The following ZNF135 variants were observed in gnomAD, a reference collection of about 807,000 sequenced individuals.
ZNF135 encodes the protein zinc finger protein 135, also known as zinc finger protein 135 (clone pHZ-17).
ZNF135 carries 11 observed loss-of-function variants against 12.3 expected under a neutral mutation model. That is an observed-to-expected ratio of 0.89 (90% confidence interval 0.56 to 1.48). The LOEUF (loss-of-function observed/expected upper bound fraction) is 1.48. Among genes scored for constraint, ZNF135 ranks in the 40% most tolerant of loss-of-function variants. The probability of loss-of-function intolerance (pLI) is 0.00; values close to 1 mark genes in which losing one functional copy is unlikely to be tolerated. For synonymous variants in ZNF135, 316 were observed against 312.0 expected (o/e 1.01, Z -0.14); for missense variants, 722 against 815.7 (o/e 0.89, Z 1.40).
rs1338202896 is a variant in ZNF135, at chr19:58,060,515, T to C, written c.33+480T>C. 2.1e-6 allele frequency: 2 copies of C among 936,914 alleles called. No individual in the cohort carries two copies. The highest frequency in any genetic ancestry group is 3.3e-5 in the South Asian group (1 of 29,886). 58.0% of individuals were successfully genotyped at this position (936,914 alleles called of 1,614,324 possible). ...GTGCCCCGGCTCTGCAGTCTGAAGT[T>C]GAAGGCCTTAGCATGCTCTGCGCTC... On this transcript the variant is annotated intron_variant, in intron 2 of 4. Transcript: ENST00000313434. This position sits in a 1 kb window ranked among gnomAD's most constrained non-coding sequence, Gnocchi z 4.9.
chr19:58,066,382 A>G (rs1395946129), intron 4 of ZNF135, among the ~76,000 whole-genome samples: 2 of 152,068 alleles, frequency 1.3e-5, no homozygotes, highest in Non-Finnish European at 2.9e-5. Flanking sequence ...TTCCAAGTCC[A>G]GTGCCTCTGT....
intron 2 of ZNF135, among the ~76,000 whole-genome samples, chr19:58,061,088 A>G (rs528733309): frequency 6.6e-6 from 1 of 151,878 alleles, no homozygotes; most frequent in South Asian, 2.1e-4. Flanking sequence ...AGATCATGCC[A>G]CTGCACTCTA....
In ZNF135 at chr19:58,059,927, C is replaced by T; in HGVS notation, c.-34-42C>T. The T allele has an allele frequency of 6.2e-7, 1 of 1,605,716 alleles. No homozygotes were observed. ...TTCCCCGGCTTGGGGACCTGAGCAC[C>T]GCCTCTGCCTGCCCCAGCTGCTCAC... On this transcript the variant is annotated intron_variant, in intron 1 of 4. Transcript: ENST00000313434. The surrounding 1 kb of genome is among the most constrained non-coding windows in gnomAD (Gnocchi z 6.5).
In ZNF135 at chr19:58,060,075, T is replaced by A; in HGVS notation, c.33+40T>A. On this transcript the variant is annotated intron_variant, in intron 2 of 4. Transcript: ENST00000313434. This position sits in a 1 kb window ranked among gnomAD's most constrained non-coding sequence, Gnocchi z 4.9. ...CTCCTTGCGCGTGTCCTCCACCTCGTGCCCGGCCTCCTCGCGCGCGGCCTT... is the reference window on the plus strand; with the variant it reads ...CTCCTTGCGCGTGTCCTCCACCTCGAGCCCGGCCTCCTCGCGCGCGGCCTT... The A allele has an allele frequency of 6.2e-7, 1 of 1,611,704 alleles. No homozygotes were observed.
At position 58,059,939 on chromosome 19, in the gene ZNF135, C is replaced by T. The variant is rs1339045410; in HGVS notation, c.-34-30C>T. ...GGGACCTGAGCACCGCCTCTGCCTGCCCCAGCTGCTCACCTCCCCTTTCCC... is the reference window on the plus strand; with the variant it reads ...GGGACCTGAGCACCGCCTCTGCCTGTCCCAGCTGCTCACCTCCCCTTTCCC... On this transcript the variant is annotated intron_variant, in intron 1 of 4. Coordinates refer to ENST00000313434, the MANE Select transcript of ZNF135 (RefSeq NM_001289401.2). This position sits in a 1 kb window ranked among gnomAD's most constrained non-coding sequence, Gnocchi z 6.5. The T allele has an allele frequency of 6.2e-7, 1 of 1,610,098 alleles. No homozygotes were observed. The highest frequency in any genetic ancestry group is 8.5e-7 in the Non-Finnish European group (1 of 1,178,818).
Position 58,068,221 on chromosome 19 carries a change from G to T in ZNF135, c.1737G>T (p.Gly579=). The stretch of plus-strand genomic sequence containing the variant: ...TTCACACCAAGGAAAAGCCGTATGG[G>T]TGCAATGAGTGTGGGAAATCCTTCA... ...QRIHTKEKPY[G]CNECGKSFSH... is the part of the protein sequence containing the mutation. Residue 579 remains glycine, a synonymous_variant, in exon 5 of 5, where the codon GGG becomes GGT. Coordinates refer to ENST00000313434, the MANE Select transcript of ZNF135 (RefSeq NM_001289401.2). 1 of 1,611,654 alleles carries T rather than the reference G, an allele frequency of 6.2e-7. No homozygotes were observed. The highest frequency in any genetic ancestry group is 8.5e-7 in the Non-Finnish European group (1 of 1,179,294).
rs1288252500 is a variant in ZNF135 at position 58,068,463 on chromosome 19, C to T, written c.*2C>T. 1 of 1,612,998 alleles carries T rather than the reference C, an allele frequency of 6.2e-7. No individual in the cohort carries two copies. Among genetic ancestry groups the T allele is most frequent in the East Asian group, 2.2e-5 (1 of 44,872 alleles). The stretch of plus-strand genomic sequence containing the variant: ...CACCAGAGAACTCACACTGGATAAA[C>T]CCACTCCACATGTGCTGGGGACATA... On this transcript the variant is annotated 3_prime_UTR_variant, in exon 5 of 5. Transcript: ENST00000313434.
chr19:58,066,871 T>C lies in ZNF135; in HGVS notation c.387T>C (p.Thr129=). Reference sequence around the variant, plus strand: ...TGTGGTACTGCAGGGGTGAGGACACTGAGGGCCACTGGGAATGGAGTTGTG... The same window carrying C: ...TGTGGTACTGCAGGGGTGAGGACACCGAGGGCCACTGGGAATGGAGTTGTG... The part of the protein sequence containing the change: ...DGLWYCRGED[T]EGHWEWSCES... Residue 129 remains threonine (T), a synonymous_variant, in exon 5 of 5, where the codon ACT becomes ACC. Transcript: ENST00000313434. 6.2e-7 allele frequency: 1 copy of C among 1,614,192 alleles called. No individual in the cohort carries two copies. Among genetic ancestry groups the C allele is most frequent in the Non-Finnish European group, 8.5e-7 (1 of 1,180,032 alleles).
Position 58,068,103 on chromosome 19 carries a change from A to T in ZNF135, c.1619A>T (p.His540Leu). The change falls in exon 5 of 5, where the codon CAT becomes CTT. Residue 540 changes from histidine (H) to leucine (L), a missense_variant. By Grantham distance (99) the His-to-Leu change is moderately conservative. Coordinates refer to ENST00000313434, the MANE Select transcript of ZNF135 (RefSeq NM_001289401.2). ...AFSQLAPLIQ[H>L]QRIHTGEKPY... ...AGCCAGCTTGCTCCCCTCATTCAGC[A>T]TCAGAGGATCCACACAGGAGAGAAA... The T allele has an allele frequency of 6.2e-7, 1 of 1,614,172 alleles. No individual in the cohort carries two copies. Among genetic ancestry groups the T allele is most frequent in the Non-Finnish European group, 8.5e-7 (1 of 1,180,028 alleles).
In ZNF135 at chr19:58,060,299, T is replaced by C; in HGVS notation, c.33+264T>C. 7.3e-7 allele frequency: 1 copy of C among 1,368,978 alleles called. No homozygotes were observed. The highest frequency in any genetic ancestry group is 9.5e-7 in the Non-Finnish European group (1 of 1,055,568). 84.8% of individuals were successfully genotyped at this position (1,368,978 alleles called of 1,614,324 possible). On this transcript the variant is annotated intron_variant, in intron 2 of 4. Transcript: ENST00000313434. The surrounding 1 kb of genome is among the most constrained non-coding windows in gnomAD (Gnocchi z 4.9). The stretch of plus-strand genomic sequence containing the variant: ...CTCTATTTGCACATCTAGCCTCTAC[T>C]CGTGTCCGGCCTCTACCTGCACACC...
chr19:58,059,493 G>A lies in ZNF135; in HGVS notation c.-35+183G>A, dbSNP rs1767390684. Among the ~76,000 whole-genome samples the A allele has an allele frequency of 1.3e-5, 2 of 152,116 alleles. No homozygotes were observed. Among genetic ancestry groups the A allele is most frequent in the Admixed American group, 6.5e-5 (1 of 15,282 alleles). On this transcript the variant is annotated intron_variant, in intron 1 of 4. Coordinates refer to ENST00000313434, the MANE Select transcript of ZNF135 (RefSeq NM_001289401.2). The surrounding 1 kb of genome is among the most constrained non-coding windows in gnomAD (Gnocchi z 6.5). ...GCCGTTTCGGGGCTGGCGGGGGCAGGCTTTGCGGGGCATCCCTAGTCTGAG... is the reference window on the plus strand; with the variant it reads ...GCCGTTTCGGGGCTGGCGGGGGCAGACTTTGCGGGGCATCCCTAGTCTGAG...
intron 2 of ZNF135, 48 bp from the exon 3 acceptor site, chr19:58,061,532 G>A (rs1422519256): frequency 1.3e-6 from 2 of 1,581,608 alleles, no homozygotes; most frequent in Non-Finnish European, 1.7e-6. Flanking sequence ...CCCACCAGCA[G>A]CCAGTGCCAG....
chr19:58,059,268 T>C (rs759163511), upstream of ZNF135: 1 of 1,528,642 alleles, frequency 6.5e-7, no homozygotes, highest in Non-Finnish European at 8.8e-7. The surrounding 1 kb of genome is among the most constrained non-coding windows in gnomAD (Gnocchi z 6.5). Flanking sequence ...GCCGGCGCAG[T>C]GTCGGCTGCC....
Position 58,063,998 on chromosome 19 carries a change from T to A in ZNF135, c.256+457T>A, listed in dbSNP as rs1427001505. 2.0e-5 allele frequency among the ~76,000 whole-genome samples: 3 copies of A among 152,188 alleles called. No individual in the cohort carries two copies. Among genetic ancestry groups the A allele is most frequent in the African/African-American group, 7.2e-5 (3 of 41,454 alleles). ...AGGTGCAAAGGCCTGAAGTCATGCA[T>A]CAGTCAGCTTTTGTGTAGGAAAACA... On this transcript the variant is annotated intron_variant, in intron 4 of 4. Coordinates refer to ENST00000313434, the MANE Select transcript of ZNF135 (RefSeq NM_001289401.2). The surrounding 1 kb of genome is among the most constrained non-coding windows in gnomAD (Gnocchi z 4.4).
rs1397508977 is a variant in ZNF135, at chr19:58,068,206, G to C, written c.1722G>C (p.Lys574Asn). Reference sequence around the variant, plus strand: ...TCGAACACCAGAGGATTCACACCAAGGAAAAGCCGTATGGGTGCAATGAGT... The same window carrying C: ...TCGAACACCAGAGGATTCACACCAACGAAAAGCCGTATGGGTGCAATGAGT... ...LLIEHQRIHTKEKPYGCNECG... is the reference protein window; with the variant it reads ...LLIEHQRIHTNEKPYGCNECG... The change falls in exon 5 of 5, where the codon AAG (lysine) becomes AAC (asparagine). Residue 574 changes from lysine (K) to asparagine (N), a missense_variant. Physicochemically the swap from Lys to Asn is moderately conservative, Grantham distance 94 (BLOSUM62 0). Transcript: ENST00000313434. 1 of 1,611,490 alleles carries C rather than the reference G, an allele frequency of 6.2e-7. No individual in the cohort carries two copies. Among genetic ancestry groups the C allele is most frequent in the Non-Finnish European group, 8.5e-7 (1 of 1,179,254 alleles).
At chr19:58,066,653 G>A (rs2074071092) in intron 4 of ZNF135, 88 bp from the exon 5 acceptor site, 1 of 1,531,124 alleles carries the variant, frequency 6.5e-7, no homozygotes, top group African/African-American at 1.4e-5. Context: ...AAAATAATTA[G>A]TTTTATCCTT....
Position 58,059,371 on chromosome 19 carries a change from C to CGGGGGGG in ZNF135, c.-35+67_-35+68insGGGGGGG. ...AGGCCGGGCCGGGCCGGGCCGGGTG[C>CGGGGGGG]GGGGGGTCCGGGGATCTTCCTGAGG... On this transcript the variant is annotated intron_variant, in intron 1 of 4. Transcript: ENST00000313434. The surrounding 1 kb of genome is among the most constrained non-coding windows in gnomAD (Gnocchi z 6.5). 1.3e-5 allele frequency: 3 copies of CGGGGGGG among 231,354 alleles called. No homozygotes were observed. Among genetic ancestry groups the CGGGGGGG allele is most frequent in the Non-Finnish European group, 2.0e-5 (3 of 147,402 alleles). 14.3% of individuals were successfully genotyped at this position (231,354 alleles called of 1,614,324 possible). A position where few individuals can be genotyped will look rare whatever the true frequency, so the allele number is the denominator to read the frequency against.
At position 58,066,182 on chromosome 19, in the gene ZNF135, A is replaced by G. The variant is rs56777706; in HGVS notation, c.257-559A>G. ...TCATTTTTCTTCCTCTTAGTGATGT[A>G]CATTGCAGCTATTCCTGTTTGTGGG... On this transcript the variant is annotated intron_variant, in intron 4 of 4. Coordinates refer to ENST00000313434, the MANE Select transcript of ZNF135 (RefSeq NM_001289401.2). Among the ~76,000 whole-genome samples, 793 of 152,324 alleles carry G rather than the reference A, an allele frequency of 5.2e-3. 10 individuals are homozygous for G. Among genetic ancestry groups the G allele is most frequent in the African/African-American group, 0.016 (664 of 41,558 alleles).
chr19:58,067,515 A>C lies in ZNF135; in HGVS notation c.1031A>C (p.His344Pro). ...CGGCAAAGCATCCACCTCACCCAGC[A>C]TCTGCGAATCCACACTGGGGAGAAA... The part of the protein sequence containing the change: ...AFRQSIHLTQ[H>P]LRIHTGEKPY... Residue 344 changes from histidine (H) to proline (P), a missense_variant, in exon 5 of 5, where the codon CAT (histidine) becomes CCT (proline). Transcript: ENST00000313434. 1.2e-6 allele frequency: 2 copies of C among 1,614,076 alleles called. No homozygotes were observed. Among genetic ancestry groups the C allele is most frequent in the Non-Finnish European group, 1.7e-6 (2 of 1,180,016 alleles).
Sources: gnomAD v4.1 joint callset for allele counts (sites outside exome capture counted in the v4.1 genomes callset) on GRCh38, gnomAD v4.1.1 for gene constraint, Gnocchi (gnomAD v3.1) non-coding constraint, MANE v1.5 for transcripts, NCBI Gene and HGNC (gene_info 2026-07-23, HGNC 2026-07-21) for gene names.